LAMB4: variants seen among roughly 807,000 people sequenced by gnomAD.
LAMB4 encodes the protein laminin subunit beta-4.
A neutral mutation model predicts 199.2 loss-of-function variants in LAMB4; 196 were observed. That is an observed-to-expected ratio of 0.98 (90% CI 0.88 to 1.11). LAMB4 has a LOEUF of 1.11. LAMB4 is among the 50% of genes least tolerant of loss of function. LAMB4 has a pLI of 0.00. For synonymous variants in LAMB4, 744 were observed against 770.6 expected, an observed-to-expected ratio of 0.97 and a Z score of 0.57; for missense variants, 2,080 against 2,171.2, an observed-to-expected ratio of 0.96 and a Z score of 0.83.
chr7:108,064,449 C>T (rs1419942948), intron 21 of LAMB4, among the ~76,000 whole-genome samples: 1 of 152,200 alleles, frequency 6.6e-6, no homozygotes, highest in Non-Finnish European at 1.5e-5. Context: ...TGAAGATGAG[C>T]AAGAGCAGTT....
At chr7:108,110,808 C>T (rs946424353) in intron 4 of LAMB4, among the ~76,000 whole-genome samples, 1 of 152,156 alleles carries the variant, frequency 6.6e-6, no homozygotes. Context: ...GAGAGTCCAG[C>T]TGGAGATCAA....
chr7:108,030,878 C>G lies in LAMB4; in HGVS notation c.4920G>C (p.Arg1640Ser), dbSNP rs2035002623. ...GLSLLQTKLQ[R>S]HQDHAVNAKV... ...TCGCATTGACAGCGTGGTCTTGATG[C>G]CTTTGCAACTTGGTCTGCAGCAGGG... Residue 1640 changes from arginine to serine, a missense_variant, in exon 32 of 34, where the codon AGG becomes AGC. Transcript: ENST00000388781. The G allele has an allele frequency of 6.2e-7, 1 of 1,614,000 alleles. No individual in the cohort carries two copies. The highest frequency in any genetic ancestry group is 1.7e-5 in the Admixed American group (1 of 59,998).
At chr7:108,015,941 C>G in the LAMB4 span, among the ~76,000 whole-genome samples, 1 of 151,922 alleles carries the variant, frequency 6.6e-6, no homozygotes, top group Non-Finnish European at 1.5e-5. Flanking sequence ...CTTTTGTTTT[C>G]TTTCAAGCAG....
chr7:108,102,195 T>C (rs1243988711), intron 10 of LAMB4, among the ~76,000 whole-genome samples: 1 of 152,190 alleles, frequency 6.6e-6, no homozygotes, highest in Non-Finnish European at 1.5e-5. Flanking sequence ...CAAATAAGTT[T>C]TGTCATACCT....
chr7:108,082,823 C>T lies in LAMB4; in HGVS notation c.1702-3037G>A, dbSNP rs77861026. Among the ~76,000 whole-genome samples, 896 of 152,256 alleles carry T rather than the reference C, an allele frequency of 5.9e-3. 13 individuals are homozygous for T. Among genetic ancestry groups the T allele is most frequent in the African/African-American group, 0.018 (732 of 41,542 alleles). On this transcript the variant is annotated intron_variant, in intron 14 of 33. Coordinates refer to ENST00000388781, the MANE Select transcript of LAMB4 (RefSeq NM_007356.3). ...TCAGGGTCATCCTCAGAGTGCCACT[C>T]TCAAGACTTAAAGGATGAATTTGTG... is the stretch of plus-strand genomic sequence containing the variant.
At chr7:108,095,835 TA>T in intron 11 of LAMB4, among the ~76,000 whole-genome samples, 1 of 152,292 alleles carries the variant, frequency 6.6e-6, no homozygotes, top group East Asian at 1.9e-4. Context: ...TTGCAAAGGC[TA>T]AAAAGACATG....
chr7:108,047,617 G>A (rs972616902), intron 28 of LAMB4, among the ~76,000 whole-genome samples: 2 of 152,144 alleles, frequency 1.3e-5, no homozygotes, highest in African/African-American at 2.4e-5. Context: ...GGAGTCAAAA[G>A]TTACACATAA....
intron 3 of LAMB4, among the ~76,000 whole-genome samples, chr7:108,113,546 TA>T (rs1212491498): frequency 3.3e-5 from 5 of 152,218 alleles, no homozygotes; most frequent in African/African-American, 1.2e-4. Flanking sequence ...AAATTTTGCA[TA>T]GGGGTAGGCC....
At chr7:108,113,988 C>T (rs1289532302) in intron 3 of LAMB4, among the ~76,000 whole-genome samples, 1 of 152,172 alleles carries the variant, frequency 6.6e-6, no homozygotes, top group Non-Finnish European at 1.5e-5. Context: ...ATTCTCTAGA[C>T]AAAAGAAGCC....
intron 17 of LAMB4, among the ~76,000 whole-genome samples, chr7:108,076,583 T>A (rs1026831725): frequency 1.3e-5 from 2 of 152,170 alleles, no homozygotes; most frequent in African/African-American, 4.8e-5. Flanking sequence ...ACCAACAGTG[T>A]GCTGTCGTGG....
intron 29 of LAMB4, among the ~76,000 whole-genome samples, chr7:108,040,293 C>T (rs767739776): frequency 2.0e-5 from 3 of 152,156 alleles, no homozygotes; most frequent in Non-Finnish European, 4.4e-5. Flanking sequence ...ATTCCATGCT[C>T]ATAGATAGGA....
chr7:108,015,417 G>A, the LAMB4 span, among the ~76,000 whole-genome samples: 7 of 152,082 alleles, frequency 4.6e-5, no homozygotes, highest in African/African-American at 7.2e-5. Context: ...TAGAAAGTTC[G>A]CAGTGAGGTG....
At chr7:108,090,986 G>C (rs1393465216) in intron 14 of LAMB4, among the ~76,000 whole-genome samples, 1 of 152,008 alleles carries the variant, frequency 6.6e-6, no homozygotes, top group Non-Finnish European at 1.5e-5. Context: ...GGAATGACTC[G>C]GTTCCTGGAA....
chr7:108,100,781 A>G (rs1303990685), intron 10 of LAMB4, among the ~76,000 whole-genome samples: 2 of 152,222 alleles, frequency 1.3e-5, no homozygotes, highest in African/African-American at 2.4e-5. Flanking sequence ...TAAAACAATA[A>G]AAGTTATGTG....
intron 33 of LAMB4, among the ~76,000 whole-genome samples, chr7:108,027,772 A>T (rs1176254385): frequency 6.6e-6 from 1 of 152,032 alleles, no homozygotes; most frequent in East Asian, 1.9e-4. Flanking sequence ...TTCTGATTGT[A>T]TGTATTTTAT....
At position 108,030,962 on chromosome 7, in the gene LAMB4, C is replaced by G. The variant is rs2528693; in HGVS notation, c.4836G>C (p.Arg1612Ser). The change falls in exon 32 of 34, where the codon AGG (arginine) becomes AGC (serine). Residue 1612 changes from arginine to serine, a missense_variant. By Grantham distance (110) the Arg-to-Ser change is moderately radical (BLOSUM62 -1). Transcript: ENST00000388781. The part of the protein sequence containing the change: ...KNVLQAENQT[R>S]EMKSELELAK... The stretch of plus-strand genomic sequence containing the variant: ...CTAACTCCAGCTCACTCTTCATTTC[C>G]CTGGTTTGATTTTCAGCCTGTTGTT... 100,886 of 1,612,086 alleles carry G rather than the reference C, an allele frequency of 0.063. 4,101 individuals carry two copies. The highest frequency in any genetic ancestry group is 0.21 in the African/African-American group (15,890 of 74,834).
intron 1 of LAMB4, among the ~76,000 whole-genome samples, chr7:108,125,919 C>T (rs754903638): frequency 5.3e-5 from 8 of 152,190 alleles, no homozygotes; most frequent in Non-Finnish European, 1.2e-4. Flanking sequence ...CAATAAAGGT[C>T]ATGGTACAAA....
intron 1 of LAMB4, among the ~76,000 whole-genome samples, chr7:108,127,832 G>A (rs765156069): frequency 3.3e-5 from 5 of 152,196 alleles, no homozygotes; most frequent in Non-Finnish European, 5.9e-5. Context: ...GTTGGGGTGA[G>A]TACAGGACAT....
chr7:108,014,427 C>A, the LAMB4 span, among the ~76,000 whole-genome samples: 8 of 148,428 alleles, frequency 5.4e-5, no homozygotes, highest in Admixed American at 2.7e-4. Flanking sequence ...ATGTTCCAAT[C>A]AAAATATGTT....
Sources: allele counts gnomAD v4.1 joint callset (sites outside exome capture counted in the v4.1 genomes callset), GRCh38; gene constraint gnomAD v4.1.1; transcripts MANE v1.5; gene names NCBI Gene and HGNC (gene_info 2026-07-23, HGNC 2026-07-21).